EYS: variants seen among roughly 807,000 people sequenced by gnomAD.
EYS encodes the protein protein eyes shut homolog.
A neutral mutation model predicts 282.1 loss-of-function variants in EYS; 250 were observed. That is an observed-to-expected ratio of 0.89 (90% CI 0.80 to 0.98). The LOEUF (loss-of-function observed/expected upper bound fraction) is 0.98. EYS is among the 50% of genes least tolerant of loss of function. The probability of loss-of-function intolerance (pLI) is 0.00; values close to 1 mark genes in which losing one functional copy is unlikely to be tolerated. For synonymous variants in EYS, 1,355 were observed against 1,282.9 expected (o/e 1.06, Z -1.20); for missense variants, 4,016 against 3,709.0 (o/e 1.08, Z -2.15).
At chr6:64,544,353 A>G (rs1764782943) in intron 26 of EYS, among the ~76,000 whole-genome samples, 1 of 152,212 alleles carries the variant, frequency 6.6e-6, no homozygotes, top group African/African-American at 2.4e-5. Flanking sequence ...CAGATCAAAG[A>G]TTTGGTTAAG....
intron 22 of EYS, among the ~76,000 whole-genome samples, chr6:64,683,664 A>G (rs1434079152): frequency 6.6e-6 from 1 of 152,230 alleles, no homozygotes. Context: ...CATTTTCCCA[A>G]ACATGGTGAA....
chr6:64,055,547 G>A (rs191803693), intron 33 of EYS, among the ~76,000 whole-genome samples: 1 of 152,242 alleles, frequency 6.6e-6, no homozygotes, highest in Non-Finnish European at 1.5e-5. Flanking sequence ...TTTTGAAGCA[G>A]AATGAATCTA....
intron 2 of EYS, among the ~76,000 whole-genome samples, chr6:65,639,325 ATAAGT>A (rs1185170723): frequency 9.2e-5 from 14 of 152,120 alleles, no homozygotes; most frequent in Non-Finnish European, 1.3e-4. Context: ...AATAAATAAG[ATAAGT>A]TATTAGGGAA....
intron 2 of EYS, among the ~76,000 whole-genome samples, chr6:65,588,143 T>C (rs1483215196): frequency 1.3e-5 from 2 of 152,088 alleles, no homozygotes; most frequent in Non-Finnish European, 2.9e-5. Context: ...TGAAATTAGA[T>C]AATGAAATTT....
intron 31 of EYS, among the ~76,000 whole-genome samples, chr6:64,163,696 A>G (rs780250053): frequency 9.2e-5 from 14 of 152,150 alleles, no homozygotes; most frequent in Non-Finnish European, 1.6e-4. Context: ...CTTAAGGCAA[A>G]TCTTTCTGTA....
chr6:65,579,199 T>C lies in EYS; in HGVS notation c.-333+60579A>G, dbSNP rs78908541. 5.2e-3 allele frequency among the ~76,000 whole-genome samples: 796 copies of C among 152,100 alleles called. 23 individuals carry two copies. The East Asian group carries it at 0.079, about 15-fold the overall frequency. ...TAGGGAACTTAAGCATACTTGAAAA[T>C]AGCAAGTACTTAAAAAACATAAGCC... On this transcript the variant is annotated intron_variant, in intron 2 of 42. Transcript: ENST00000503581.
intron 12 of EYS, among the ~76,000 whole-genome samples, chr6:65,190,455 G>C (rs1040866479): frequency 1.3e-5 from 2 of 150,922 alleles, no homozygotes; most frequent in South Asian, 2.1e-4. Flanking sequence ...AAAATATAAT[G>C]GGCCTATAAA....
At chr6:63,870,305 A>G (rs765544507) in intron 35 of EYS, among the ~76,000 whole-genome samples, 4 of 152,138 alleles carry the variant, frequency 2.6e-5, no homozygotes, top group African/African-American at 4.8e-5. Flanking sequence ...TTTCTACTCA[A>G]CTGTTACCAT....
At chr6:65,373,100 T>C (rs901151751) in intron 8 of EYS, among the ~76,000 whole-genome samples, 1 of 152,184 alleles carries the variant, frequency 6.6e-6, no homozygotes, top group African/African-American at 2.4e-5. Flanking sequence ...ACAAATTTCA[T>C]CCTGGCCCAA....
At chr6:65,105,526 G>A (rs1258922853) in intron 12 of EYS, among the ~76,000 whole-genome samples, 3 of 151,672 alleles carry the variant, frequency 2.0e-5, no homozygotes, top group East Asian at 1.9e-4. Flanking sequence ...CTTCGACCAC[G>A]CATTTTACAG....
rs1316942078 is a variant in EYS at position 64,590,415 on chromosome 6, G to A, written c.5452C>T (p.Pro1818Ser). 2.6e-6 allele frequency: 4 copies of A among 1,551,276 alleles called. No individual in the cohort carries two copies. The highest frequency in any genetic ancestry group is 3.5e-6 in the Non-Finnish European group (4 of 1,146,704). Reference sequence around the variant, plus strand: ...GAGGTCATATAATCTGTAAAATATGGCCAATCTGGCCTAATTACAGACATG... The same window carrying A: ...GAGGTCATATAATCTGTAAAATATGACCAATCTGGCCTAATTACAGACATG... ...SSMSVIRPDW[P>S]YFTDYMTSLK... The change falls in exon 26 of 43, where the codon CCA (proline) becomes TCA (serine). Residue 1818 changes from proline (P) to serine (S), a missense_variant. By Grantham distance (74) the Pro-to-Ser change is moderately conservative. Coordinates refer to ENST00000503581, the MANE Select transcript of EYS (RefSeq NM_001142800.2).
chr6:65,378,642 C>T (rs1351976133), intron 8 of EYS, among the ~76,000 whole-genome samples: 10 of 152,086 alleles, frequency 6.6e-5, no homozygotes, highest in Non-Finnish European at 5.9e-5. Flanking sequence ...CCCAAATGCC[C>T]ATCAATGATA....
chr6:65,004,419 G>A (rs1490156076), intron 13 of EYS, among the ~76,000 whole-genome samples: 2 of 147,252 alleles, frequency 1.4e-5, no homozygotes, highest in Non-Finnish European at 3.0e-5. Flanking sequence ...TTCTACAATG[G>A]TCTGCTCTAC....
At chr6:65,527,563 T>C (rs1767615642) in intron 2 of EYS, among the ~76,000 whole-genome samples, 1 of 152,188 alleles carries the variant, frequency 6.6e-6, no homozygotes, top group Non-Finnish European at 1.5e-5. Context: ...AAGTCATAAA[T>C]GTCATGGTGG....
intron 33 of EYS, among the ~76,000 whole-genome samples, chr6:63,999,549 A>G (rs1767983822): frequency 1.3e-5 from 2 of 152,214 alleles, no homozygotes; most frequent in South Asian, 4.1e-4. Flanking sequence ...TTGGACCAGT[A>G]ACATCAATGT....
chr6:65,612,255 A>T (rs4710529), intron 2 of EYS, among the ~76,000 whole-genome samples: 4,587 of 150,964 alleles, frequency 0.03, 309 homozygotes, highest in East Asian at 0.3. Flanking sequence ...TATATTTATT[A>T]TGTATGACAT....
intron 5 of EYS, among the ~76,000 whole-genome samples, chr6:65,430,832 A>G (rs190589814): frequency 6.6e-6 from 1 of 152,228 alleles, no homozygotes; most frequent in Admixed American, 6.5e-5. Flanking sequence ...GGCAGCATTC[A>G]TTACCTGCTA....
chr6:63,970,843 T>G (rs1181996738), intron 35 of EYS, among the ~76,000 whole-genome samples: 1 of 152,180 alleles, frequency 6.6e-6, no homozygotes, highest in East Asian at 1.9e-4. Flanking sequence ...TGGAAGACAA[T>G]TTTGATAAAG....
At chr6:65,217,215 A>T (rs1766337047) in intron 12 of EYS, among the ~76,000 whole-genome samples, 1 of 152,098 alleles carries the variant, frequency 6.6e-6, no homozygotes, top group Non-Finnish European at 1.5e-5. Context: ...GCTGGAATCC[A>T]AACTCAATGT....
Sources: gnomAD v4.1 joint callset for allele counts (sites outside exome capture counted in the v4.1 genomes callset) on GRCh38, gnomAD v4.1.1 for gene constraint, MANE v1.5 for transcripts, NCBI Gene and HGNC (gene_info 2026-07-23, HGNC 2026-07-21) for gene names.